DAGLB: variants seen among roughly 807,000 people sequenced by gnomAD.
The protein encoded by DAGLB is diacylglycerol lipase-beta.
A neutral mutation model predicts 72.1 loss-of-function variants in DAGLB; 66 were observed. The observed-to-expected ratio is 0.92, with a 90% confidence interval of 0.75 to 1.12. The LOEUF is 1.12. DAGLB is among the 50% of genes most tolerant of loss of function. DAGLB has a pLI of 0.00. For missense variants in DAGLB, 1,065 were observed against 884.9 expected, an observed-to-expected ratio of 1.20 and a Z score of -2.58; for synonymous variants, 414 against 359.5, an observed-to-expected ratio of 1.15 and a Z score of -1.71.
intron 11 of DAGLB, among the ~76,000 whole-genome samples, chr7:6,413,959 CATA>C (rs2115241722): frequency 6.6e-6 from 1 of 152,336 alleles, no homozygotes; most frequent in South Asian, 2.1e-4. Context: ...CAGCCATGGA[CATA>C]ATGGAAACAC....
chr7:6,415,166 A>G (rs898698203), intron 11 of DAGLB, among the ~76,000 whole-genome samples: 1 of 145,724 alleles, frequency 6.9e-6, no homozygotes. Context: ...GTGTCAATTA[A>G]AAAAAAAAAA....
intron 2 of DAGLB, among the ~76,000 whole-genome samples, chr7:6,444,584 G>A (rs1055891310): frequency 8.6e-5 from 13 of 150,852 alleles, no homozygotes; most frequent in Admixed American, 3.3e-4. Flanking sequence ...CCTGCGCAGC[G>A]GAGGGAGACT....
In DAGLB at chr7:6,444,166, TG is replaced by T. The variant is rs1242128416; in HGVS notation, c.247+1786del. Among the ~76,000 whole-genome samples the T allele has an allele frequency of 2.0e-5, 3 of 152,240 alleles. No homozygotes were observed. In the East Asian group the frequency reaches 5.8e-4, roughly 29 times the overall value. ...GCACGTGCCTGTACTTCCAGCTACT[TG>T]GGGGTTGAGAAGAGAGGATTGCTTG... is the stretch of plus-strand genomic sequence containing the variant. On this transcript the variant is annotated intron_variant, in intron 2 of 14. Transcript: ENST00000297056.
intron 4 of DAGLB, among the ~76,000 whole-genome samples, chr7:6,433,823 G>C (rs1218875141): frequency 6.8e-6 from 1 of 147,564 alleles, no homozygotes; most frequent in African/African-American, 2.5e-5. Flanking sequence ...CTGCACTCCA[G>C]CCCGGGTGAC....
chr7:6,434,859 T>C lies in DAGLB; in HGVS notation c.581A>G (p.Glu194Gly), dbSNP rs1784604252. 1 of 1,614,176 alleles carries C rather than the reference T, an allele frequency of 6.2e-7. No individual in the cohort carries two copies. Among genetic ancestry groups the C allele is most frequent in the Non-Finnish European group, 8.5e-7 (1 of 1,180,026 alleles). ...GLKTAATSVW[E>G]TRIKLLCCCI... ...ACAGCACAAGAGCTTGATTCTGGTT[T>C]CCCACACGCTTGTAGCTGCTGTCTT... Residue 194 changes from glutamate (E) to glycine (G), a missense_variant, in exon 4 of 15, where the codon GAA becomes GGA. Glu to Gly is a moderately conservative substitution (Grantham distance 98). Transcript: ENST00000297056.
chr7:6,443,751 C>G (rs954229932), intron 2 of DAGLB, among the ~76,000 whole-genome samples: 1 of 152,118 alleles, frequency 6.6e-6, no homozygotes, highest in African/African-American at 2.4e-5. Context: ...CATCCCAATT[C>G]AAGCAGTGAC....
intron 11 of DAGLB, among the ~76,000 whole-genome samples, chr7:6,413,935 G>C (rs892195376): frequency 4.6e-5 from 7 of 152,210 alleles, no homozygotes; most frequent in African/African-American, 9.6e-5. Flanking sequence ...GAGGAACACA[G>C]ACACGCTTCC....
intron 2 of DAGLB, 24 bp from the exon 3 acceptor site, chr7:6,436,557 C>A (rs746114735): frequency 1.2e-6 from 2 of 1,613,828 alleles, no homozygotes; most frequent in Non-Finnish European, 1.7e-6. Flanking sequence ...AACGTTCCGA[C>A]TGCTCAGTTG....
At chr7:6,447,254 T>G (rs992974727) in intron 1 of DAGLB, among the ~76,000 whole-genome samples, 1 of 152,200 alleles carries the variant, frequency 6.6e-6, no homozygotes, top group Admixed American at 6.5e-5. Flanking sequence ...AACAGCGTTG[T>G]ATGTTGAGCC....
At chr7:6,446,537 A>C (rs969919303) in intron 1 of DAGLB, among the ~76,000 whole-genome samples, 9 of 150,856 alleles carry the variant, frequency 6.0e-5, no homozygotes, top group Non-Finnish European at 1.2e-4. Context: ...ATATTTTCCA[A>C]AACAAGGCAA....
intron 6 of DAGLB, among the ~76,000 whole-genome samples, 186 bp downstream of exon 6, chr7:6,430,294 G>A (rs1433722661): frequency 3.0e-5 from 3 of 100,310 alleles, no homozygotes; most frequent in African/African-American, 1.2e-4. Context: ...CAGGGGGGAG[G>A]GAGGGAGGGA....
intron 5 of DAGLB, among the ~76,000 whole-genome samples, chr7:6,431,036 A>T (rs927127049): frequency 3.9e-5 from 6 of 152,116 alleles, no homozygotes; most frequent in African/African-American, 1.4e-4. Context: ...TTGGCCTCCC[A>T]AAGTGCTGGG....
At chr7:6,422,007 G>C (rs1253689597) in intron 8 of DAGLB, 1 of 675,226 alleles carries the variant, frequency 1.5e-6, no homozygotes, top group Admixed American at 2.0e-5. Flanking sequence ...ACCAGCTCTG[G>C]GCCAGGCGTG....
At chr7:6,445,928 T>C (rs1421870753) in intron 2 of DAGLB, 25 bp downstream of exon 2, 1 of 1,564,124 alleles carries the variant, frequency 6.4e-7, no homozygotes, top group Non-Finnish European at 8.6e-7. Context: ...AAAATAGGTA[T>C]CAAATAGAAA....
At chr7:6,442,592 C>T (rs1784868386) in intron 2 of DAGLB, among the ~76,000 whole-genome samples, 1 of 152,200 alleles carries the variant, frequency 6.6e-6, no homozygotes, top group Non-Finnish European at 1.5e-5. Flanking sequence ...CTCAATACTT[C>T]ACCTTCAATA....
Position 6,411,608 on chromosome 7 carries a change from G to A in DAGLB, c.1569+1203C>T, listed in dbSNP as rs550636769. On this transcript the variant is annotated intron_variant, in intron 13 of 14. Coordinates refer to ENST00000297056, the MANE Select transcript of DAGLB (RefSeq NM_139179.4). ...TGCACTCCAGCCTGGGTGACAAAGC[G>A]AGACCCTGTCTCAAAAAAGAAAAAA... Among the ~76,000 whole-genome samples, 42 of 152,248 alleles carry A rather than the reference G, an allele frequency of 2.8e-4. No individual in the cohort carries two copies. In the South Asian group the frequency reaches 2.9e-3, roughly 11 times the overall value.
chr7:6,415,068 G>A (rs1014246606), intron 11 of DAGLB, among the ~76,000 whole-genome samples: 8 of 142,258 alleles, frequency 5.6e-5, no homozygotes, highest in Admixed American at 1.4e-4. Flanking sequence ...GGCTGAGGCC[G>A]GAAGATCACC....
intron 4 of DAGLB, 86 bp from the exon 5 acceptor site, chr7:6,433,045 AG>A: frequency 1.3e-6 from 2 of 1,528,304 alleles, no homozygotes; most frequent in African/African-American, 1.4e-5. Context: ...TATAGTTGAT[AG>A]GCATTCACGC....
At position 6,436,537 on chromosome 7, in the gene DAGLB, A is replaced by G. The variant is rs761373091; in HGVS notation, c.248-4T>C. The G allele has an allele frequency of 1.2e-6, 2 of 1,613,770 alleles. No homozygotes were observed. The highest frequency in any genetic ancestry group is 2.2e-5 in the South Asian group (2 of 90,998). On this transcript the variant is annotated splice_region_variant and splice_polypyrimidine_tract_variant and intron_variant, in intron 2 of 14. Transcript: ENST00000297056. ...GGTCCAGGGTTACAAATCGTTCCTG[A>G]AATACAAAAAACGTTCCGACTGCTC...
Sources: gnomAD v4.1 joint callset for allele counts (sites outside exome capture counted in the v4.1 genomes callset) on GRCh38, gnomAD v4.1.1 for gene constraint, MANE v1.5 for transcripts, NCBI Gene and HGNC (gene_info 2026-07-23, HGNC 2026-07-21) for gene names.